BACE2: variants seen among roughly 807,000 people sequenced by gnomAD.
BACE2 encodes the protein beta-secretase 2, also known as 56 kDa aspartic-like protease.
BACE2 carries 17 observed loss-of-function variants against 46.2 expected under a neutral mutation model. That is an observed-to-expected ratio of 0.37 (90% CI 0.25 to 0.55). The LOEUF (loss-of-function observed/expected upper bound fraction) is 0.55, where lower values mean the gene tolerates loss of function less well. Ranked by LOEUF, BACE2 falls within the 20% of genes least tolerant of loss-of-function variation. The pLI, the probability that BACE2 is intolerant of heterozygous loss-of-function variation, is 0.82. For missense variants in BACE2, 595 were observed against 698.1 expected (o/e 0.85, Z 1.66); for synonymous variants, 277 against 295.9 (o/e 0.94, Z 0.66).
chr21:41,271,064 C>T (rs2088429575), intron 8 of BACE2, among the ~76,000 whole-genome samples: 1 of 152,084 alleles, frequency 6.6e-6, no homozygotes, highest in African/African-American at 2.4e-5. Flanking sequence ...ACTATATTTA[C>T]TTCTAGTAAT....
At chr21:41,179,983 C>CA (rs1204352533) in intron 1 of BACE2, 1 of 349,716 alleles carries the variant, frequency 2.9e-6, no homozygotes, top group Non-Finnish European at 5.8e-6. Flanking sequence ...GTGTTAGCAA[C>CA]TTTTATTGAA....
chr21:41,266,491 C>T (rs1318055814), intron 8 of BACE2, among the ~76,000 whole-genome samples: 2 of 152,202 alleles, frequency 1.3e-5, no homozygotes, highest in African/African-American at 4.8e-5. Context: ...GCTGAGTGTC[C>T]GCAGACCATG....
chr21:41,196,115 T>C (rs1601256377), intron 1 of BACE2, among the ~76,000 whole-genome samples: 1 of 151,916 alleles, frequency 6.6e-6, no homozygotes, highest in Non-Finnish European at 1.5e-5. Flanking sequence ...TGAAACCCCG[T>C]CTTTACTAAA....
intron 6 of BACE2, among the ~76,000 whole-genome samples, chr21:41,246,642 T>G (rs756182542): frequency 3.9e-5 from 6 of 152,210 alleles, no homozygotes; most frequent in Non-Finnish European, 7.3e-5. Context: ...ATGGCCATGC[T>G]CTGAAATACA....
intron 1 of BACE2, among the ~76,000 whole-genome samples, chr21:41,200,152 C>T (rs1359110455): frequency 4.0e-5 from 6 of 150,186 alleles, no homozygotes; most frequent in Non-Finnish European, 1.5e-5. Context: ...AACAAACCTG[C>T]ACATTGTGCA....
chr21:41,169,211 AT>A (rs1984506125), intron 1 of BACE2, among the ~76,000 whole-genome samples: 1 of 151,862 alleles, frequency 6.6e-6, no homozygotes, highest in African/African-American at 2.4e-5. Context: ...GTCCTCGCTC[AT>A]CCGGCGGCCC....
intron 1 of BACE2, chr21:41,176,674 A>G (rs939461858): frequency 6.6e-6 from 1 of 152,168 alleles, no homozygotes; most frequent in Non-Finnish European, 1.5e-5. Context: ...TCGTGTTCCA[A>G]AAACTCCTCG....
At chr21:41,235,349 A>G (rs1486672696) in intron 2 of BACE2, among the ~76,000 whole-genome samples, 1 of 152,190 alleles carries the variant, frequency 6.6e-6, no homozygotes, top group Non-Finnish European at 1.5e-5. Flanking sequence ...AATTTACTGA[A>G]CTGTTTCCTT....
At chr21:41,267,409 C>G (rs1268748888) in intron 8 of BACE2, among the ~76,000 whole-genome samples, 4 of 152,152 alleles carry the variant, frequency 2.6e-5, no homozygotes, top group Non-Finnish European at 5.9e-5. Context: ...ATTGACAACT[C>G]TCTGTTATTT....
intron 1 of BACE2, among the ~76,000 whole-genome samples, chr21:41,200,195 A>C (rs1030542801): frequency 2.7e-5 from 4 of 147,590 alleles, no homozygotes; most frequent in African/African-American, 5.2e-5. Context: ...ATAATTAAAA[A>C]AAAAAACAAA....
intron 7 of BACE2, among the ~76,000 whole-genome samples, chr21:41,251,296 C>T (rs1987630295): frequency 6.6e-6 from 1 of 152,152 alleles, no homozygotes; most frequent in Admixed American, 6.5e-5. Context: ...AGTGTCAGCC[C>T]AGAACTAGCC....
intron 1 of BACE2, among the ~76,000 whole-genome samples, chr21:41,210,253 C>A (rs1268741369): frequency 6.6e-6 from 1 of 151,922 alleles, no homozygotes; most frequent in African/African-American, 2.4e-5. Context: ...GCCAAGGAGA[C>A]CCCCCAAAAA....
chr21:41,245,101 G>A (rs961092444), intron 5 of BACE2, among the ~76,000 whole-genome samples: 24 of 152,022 alleles, frequency 1.6e-4, no homozygotes, highest in Non-Finnish European at 3.2e-4. Flanking sequence ...TTATGAACAC[G>A]CTAAGTTAGA....
At chr21:41,197,039 G>A (rs1256512467) in intron 1 of BACE2, among the ~76,000 whole-genome samples, 3 of 152,052 alleles carry the variant, frequency 2.0e-5, no homozygotes, top group South Asian at 2.1e-4. Flanking sequence ...ACTGCTCACC[G>A]CAGGTTCAGC....
Position 41,217,660 on chromosome 21 carries a change from T to C in BACE2, c.313-8606T>C, listed in dbSNP as rs138489826. ...GTACTTTGGAGCCCCCTCCCAGTGA[T>C]GGTTTAGGTCCCGGCCCTTGCTCTT... On this transcript the variant is annotated intron_variant, in intron 1 of 8. Transcript: ENST00000330333. 5.2e-3 allele frequency among the ~76,000 whole-genome samples: 785 copies of C among 152,324 alleles called. 4 individuals are homozygous for C. The highest frequency in any genetic ancestry group is 7.2e-3 in the Non-Finnish European group (487 of 68,026).
intron 1 of BACE2, among the ~76,000 whole-genome samples, chr21:41,173,874 A>G (rs767818487): frequency 2.0e-5 from 3 of 152,206 alleles, no homozygotes; most frequent in Non-Finnish European, 4.4e-5. Flanking sequence ...CCTATGAGTA[A>G]TAAACACTTA....
intron 1 of BACE2, chr21:41,181,344 A>G (rs1296688104): frequency 6.0e-6 from 1 of 167,064 alleles, no homozygotes; most frequent in Non-Finnish European, 1.5e-5. Context: ...GGGTCTATAG[A>G]GATATTTTCC....
chr21:41,275,145 G>A (rs1471225646), intron 8 of BACE2, among the ~76,000 whole-genome samples: 1 of 152,058 alleles, frequency 6.6e-6, no homozygotes, highest in Non-Finnish European at 1.5e-5. Context: ...CCTAGGCTCG[G>A]TACCCACACA....
chr21:41,198,950 A>C (rs907329480), intron 1 of BACE2, among the ~76,000 whole-genome samples: 7 of 151,436 alleles, frequency 4.6e-5, no homozygotes, highest in Admixed American at 1.3e-4. Flanking sequence ...TATACATGTG[A>C]CATGCTGGTG....
Sources: gnomAD v4.1 joint callset for allele counts (sites outside exome capture counted in the v4.1 genomes callset) on GRCh38, gnomAD v4.1.1 for gene constraint, MANE v1.5 for transcripts, NCBI Gene and HGNC (gene_info 2026-07-23, HGNC 2026-07-21) for gene names.